Variants in CAMKMT observed in about 807,000 individuals in gnomAD.
CAMKMT encodes the protein CaM KMT.
CAMKMT carries 53 observed loss-of-function variants against 48.0 expected under a neutral mutation model. That is an observed-to-expected ratio of 1.10 (90% CI 0.89 to 1.39). The LOEUF is 1.39. Ranked by LOEUF, CAMKMT falls within the 40% of genes most tolerant of loss-of-function variation. CAMKMT has a pLI of 0.00. For synonymous variants in CAMKMT, 165 were observed against 152.3 expected (o/e 1.08, Z -0.61); for missense variants, 428 against 402.7 (o/e 1.06, Z -0.54).
chr2:44,696,011 C>T (rs1676929184), intron 3 of CAMKMT, among the ~76,000 whole-genome samples: 3 of 151,940 alleles, frequency 2.0e-5, no homozygotes, highest in South Asian at 2.1e-4. Context: ...GGCGTGATCT[C>T]GGCTCACTGC....
chr2:44,570,908 C>A (rs1668866821), intron 3 of CAMKMT, among the ~76,000 whole-genome samples: 2 of 152,088 alleles, frequency 1.3e-5, no homozygotes, highest in Non-Finnish European at 2.9e-5. Context: ...AAAAGACAGT[C>A]GACTGTATTT....
intron 3 of CAMKMT, among the ~76,000 whole-genome samples, chr2:44,458,017 G>T (rs1558631021): frequency 6.9e-6 from 1 of 145,790 alleles, no homozygotes; most frequent in Non-Finnish European, 1.5e-5. Flanking sequence ...CACAGATCTA[G>T]CATTAGGACT....
At chr2:44,611,326 G>T (rs890623052) in intron 3 of CAMKMT, among the ~76,000 whole-genome samples, 1 of 151,954 alleles carries the variant, frequency 6.6e-6, no homozygotes, top group Non-Finnish European at 1.5e-5. Flanking sequence ...CCAGCTACTC[G>T]GGAGGGTGAG....
At chr2:44,689,432 G>C (rs948336075) in intron 3 of CAMKMT, among the ~76,000 whole-genome samples, 2 of 151,668 alleles carry the variant, frequency 1.3e-5, no homozygotes, top group African/African-American at 2.4e-5. Flanking sequence ...CCTGTAACAC[G>C]GCACAGTTTT....
At chr2:44,730,053 T>A (rs1170850220) in intron 7 of CAMKMT, among the ~76,000 whole-genome samples, 1 of 152,100 alleles carries the variant, frequency 6.6e-6, no homozygotes, top group African/African-American at 2.4e-5. Context: ...TGACCCTACT[T>A]CCTTTTAGAC....
At chr2:44,598,776 A>G (rs1274948955) in intron 3 of CAMKMT, among the ~76,000 whole-genome samples, 2 of 134,584 alleles carry the variant, frequency 1.5e-5, no homozygotes, top group Admixed American at 7.9e-5. Context: ...GTGAGGCGAT[A>G]TAAGAAAATG....
At chr2:44,453,698 G>A (rs967126488) in intron 3 of CAMKMT, among the ~76,000 whole-genome samples, 1 of 152,020 alleles carries the variant, frequency 6.6e-6, no homozygotes, top group African/African-American at 2.4e-5. Flanking sequence ...ATTTTGTGGA[G>A]AGGGGCAGAT....
chr2:44,709,898 G>T (rs1379290920), intron 6 of CAMKMT, among the ~76,000 whole-genome samples: 1 of 152,104 alleles, frequency 6.6e-6, no homozygotes, highest in Non-Finnish European at 1.5e-5. Context: ...TAATGGGCAA[G>T]ATGAGCACAT....
chr2:44,436,045 C>T (rs748777492), intron 3 of CAMKMT, among the ~76,000 whole-genome samples: 1 of 143,922 alleles, frequency 6.9e-6, no homozygotes. Context: ...ATAGCATGTG[C>T]TTAATCTAGG....
chr2:44,417,620 A>G lies in CAMKMT; in HGVS notation c.376+27315A>G, dbSNP rs571315816. On this transcript the variant is annotated intron_variant, in intron 3 of 10. Coordinates refer to ENST00000378494, the MANE Select transcript of CAMKMT (RefSeq NM_024766.5). ...TGTATAAGTGTACATTTAACTTTGT[A>G]AGATATTACCAAACTGTTTTCCCAA... Among the ~76,000 whole-genome samples, 21 of 152,282 alleles carry G rather than the reference A, an allele frequency of 1.4e-4. No homozygotes were observed. In the South Asian group the frequency reaches 4.2e-3, roughly 30 times the overall value.
At chr2:44,706,394 A>G (rs1413301335) in intron 5 of CAMKMT, 53 bp downstream of exon 5, 18 of 1,569,822 alleles carry the variant, frequency 1.1e-5, no homozygotes, top group Admixed American at 5.0e-5. Flanking sequence ...AAAAGGAAAA[A>G]TGTTCCAGGG....
chr2:44,434,085 C>T (rs1480323080), intron 3 of CAMKMT, among the ~76,000 whole-genome samples: 2 of 152,074 alleles, frequency 1.3e-5, no homozygotes, highest in African/African-American at 4.8e-5. Flanking sequence ...TGTGTCCACA[C>T]GTATTTCACA....
chr2:44,517,058 C>T (rs1670867860), intron 3 of CAMKMT, among the ~76,000 whole-genome samples: 1 of 151,978 alleles, frequency 6.6e-6, no homozygotes, highest in South Asian at 2.1e-4. Flanking sequence ...TTTTGAAGAG[C>T]TTGAATCATC....
At chr2:44,675,730 T>C (rs554726099) in intron 3 of CAMKMT, among the ~76,000 whole-genome samples, 1 of 152,342 alleles carries the variant, frequency 6.6e-6, no homozygotes, top group East Asian at 1.9e-4. Flanking sequence ...GTATTAATTA[T>C]ATTCACATCA....
intron 9 of CAMKMT, among the ~76,000 whole-genome samples, chr2:44,758,204 T>C (rs1680463663): frequency 6.6e-6 from 1 of 152,234 alleles, no homozygotes; most frequent in South Asian, 2.1e-4. Flanking sequence ...GGTTGATTTC[T>C]ACCTTGAGCA....
At chr2:44,383,949 T>C (rs1402432507) in intron 2 of CAMKMT, among the ~76,000 whole-genome samples, 1 of 152,130 alleles carries the variant, frequency 6.6e-6, no homozygotes, top group Non-Finnish European at 1.5e-5. Flanking sequence ...TGTGCAAGGG[T>C]CTTTTTCGAA....
At chr2:44,391,104 A>G (rs1357299786) in intron 3 of CAMKMT, among the ~76,000 whole-genome samples, 1 of 152,322 alleles carries the variant, frequency 6.6e-6, no homozygotes, top group East Asian at 1.9e-4. Flanking sequence ...AAATTTCAGA[A>G]CTGTTAACTT....
At chr2:44,496,409 A>G (rs780435127) in intron 3 of CAMKMT, among the ~76,000 whole-genome samples, 15 of 152,194 alleles carry the variant, frequency 9.9e-5, no homozygotes, top group Non-Finnish European at 1.9e-4. Context: ...CACCCTATTT[A>G]TTATGTATTT....
intron 7 of CAMKMT, among the ~76,000 whole-genome samples, chr2:44,717,272 T>C (rs1043693992): frequency 6.6e-6 from 1 of 151,992 alleles, no homozygotes; most frequent in Non-Finnish European, 1.5e-5. Flanking sequence ...TCATACTAAT[T>C]GTGGTCAGTT....
Sources: gnomAD v4.1 joint callset for allele counts (sites outside exome capture counted in the v4.1 genomes callset) on GRCh38, gnomAD v4.1.1 for gene constraint, MANE v1.5 for transcripts, NCBI Gene and HGNC (gene_info 2026-07-23, HGNC 2026-07-21) for gene names.